The following NELL1 variants were observed in gnomAD, a reference collection of about 807,000 sequenced individuals.
NELL1 encodes the protein neural EGFL like 1, also known as protein kinase C-binding protein NELL1.
Under a neutral mutation model 107.4 loss-of-function variants are expected in NELL1, and 76 were observed. The observed-to-expected ratio is 0.71, with a 90% CI of 0.59 to 0.86. The LOEUF is 0.86. NELL1 is among the 40% of genes least tolerant of loss of function. The probability of loss-of-function intolerance (pLI) is 0.00; values close to 1 mark genes in which losing one functional copy is unlikely to be tolerated. For synonymous variants in NELL1, 353 were observed against 341.2 expected, an observed-to-expected ratio of 1.03 and a Z score of -0.38; for missense variants, 1,024 against 1,005.5, an observed-to-expected ratio of 1.02 and a Z score of -0.25.
chr11:20,819,783 A>T (rs10741856), intron 3 of NELL1, among the ~76,000 whole-genome samples: 146,846 of 152,304 alleles, frequency 0.96, 71,009 homozygotes, highest in East Asian at 1. Context: ...CAATATCTTT[A>T]CCCACTTTTT....
chr11:21,402,188 A>G (rs1267378347), intron 15 of NELL1, among the ~76,000 whole-genome samples: 2 of 151,890 alleles, frequency 1.3e-5, no homozygotes, highest in Middle Eastern at 3.4e-3. Flanking sequence ...CCTGGCGTCA[A>G]CCCATTTTAC....
In NELL1 at chr11:20,933,676, A is replaced by G. The variant is rs1215859540; in HGVS notation, c.998-4110A>G. ...GGGATGGCTGGAGTGTGTGCAGGGT[A>G]CAAATACCTAAATAAAGATAGGGAA... On this transcript the variant is annotated intron_variant, in intron 9 of 19. Coordinates refer to ENST00000357134, the MANE Select transcript of NELL1 (RefSeq NM_006157.5). 3.3e-5 allele frequency among the ~76,000 whole-genome samples: 5 copies of G among 152,146 alleles called. No individual in the cohort carries two copies. The East Asian group carries it at 7.7e-4, about 23-fold the overall frequency.
At chr11:21,531,908 G>A (rs913865357) in intron 15 of NELL1, among the ~76,000 whole-genome samples, 2 of 152,000 alleles carry the variant, frequency 1.3e-5, no homozygotes, top group South Asian at 4.2e-4. Context: ...TCTATATTTG[G>A]GTCTGTGATG....
At chr11:21,265,125 C>G (rs188445435) in intron 14 of NELL1, among the ~76,000 whole-genome samples, 6 of 152,054 alleles carry the variant, frequency 3.9e-5, no homozygotes, top group Non-Finnish European at 8.8e-5. Context: ...CACCTGTCAT[C>G]TTTTCAAGAA....
At chr11:21,064,084 C>T (rs1237622961) in intron 12 of NELL1, among the ~76,000 whole-genome samples, 1 of 152,014 alleles carries the variant, frequency 6.6e-6, no homozygotes, top group Non-Finnish European at 1.5e-5. Context: ...GTGCAAAGGG[C>T]TGAAGGCAGG....
intron 3 of NELL1, among the ~76,000 whole-genome samples, chr11:20,804,256 G>A (rs1857336854): frequency 6.6e-6 from 1 of 151,858 alleles, no homozygotes; most frequent in Non-Finnish European, 1.5e-5. Flanking sequence ...CCATTTTTGA[G>A]ATGGAGTCTT....
intron 17 of NELL1, among the ~76,000 whole-genome samples, chr11:21,570,271 C>G (rs1857069487): frequency 6.6e-6 from 1 of 151,780 alleles, no homozygotes; most frequent in South Asian, 2.1e-4. Flanking sequence ...ACTATGTCAT[C>G]TTGGATAAGT....
chr11:20,958,115 AAAAC>A (rs931543795), intron 11 of NELL1, among the ~76,000 whole-genome samples: 1 of 152,172 alleles, frequency 6.6e-6, no homozygotes, highest in African/African-American at 2.4e-5. Context: ...TGAAAAATAC[AAAAC>A]AAACAAACCC....
intron 17 of NELL1, among the ~76,000 whole-genome samples, chr11:21,567,530 TTTC>T (rs1288991442): frequency 1.3e-5 from 2 of 151,892 alleles, no homozygotes; most frequent in African/African-American, 4.8e-5. Context: ...AACACTATGA[TTTC>T]TTGTTATTTG....
intron 13 of NELL1, among the ~76,000 whole-genome samples, chr11:21,127,528 T>C (rs1298356724): frequency 6.6e-6 from 1 of 151,840 alleles, no homozygotes; most frequent in African/African-American, 2.4e-5. Context: ...AGGAAGAGGA[T>C]TGCTTGAGCC....
At chr11:20,707,628 A>G (rs1445269278) in intron 2 of NELL1, among the ~76,000 whole-genome samples, 1 of 152,200 alleles carries the variant, frequency 6.6e-6, no homozygotes. Context: ...AGTTTGCTGG[A>G]GGTCCATTCC....
intron 14 of NELL1, among the ~76,000 whole-genome samples, chr11:21,364,583 A>G (rs1851170934): frequency 6.6e-6 from 1 of 152,146 alleles, no homozygotes; most frequent in African/African-American, 2.4e-5. Flanking sequence ...AGTACAATAG[A>G]GTAGAAAATA....
intron 1 of NELL1, among the ~76,000 whole-genome samples, chr11:20,677,221 A>G (rs969769257): frequency 6.6e-5 from 10 of 152,190 alleles, no homozygotes; most frequent in Admixed American, 4.6e-4. Flanking sequence ...CCCTTCTTCA[A>G]CAGGGACAGG....
At chr11:21,266,695 T>C (rs569268129) in intron 14 of NELL1, among the ~76,000 whole-genome samples, 2 of 152,174 alleles carry the variant, frequency 1.3e-5, no homozygotes, top group African/African-American at 4.8e-5. Context: ...TTCTGTGCTT[T>C]CTCTACAGTC....
chr11:20,800,326 T>C (rs1253566671), intron 3 of NELL1, among the ~76,000 whole-genome samples: 1 of 152,228 alleles, frequency 6.6e-6, no homozygotes, highest in Non-Finnish European at 1.5e-5. Context: ...CATATAGACA[T>C]GTCCTTTTCT....
intron 15 of NELL1, among the ~76,000 whole-genome samples, chr11:21,409,131 C>T (rs528276444): frequency 2.0e-5 from 3 of 152,144 alleles, no homozygotes; most frequent in South Asian, 2.1e-4. Flanking sequence ...AACATGCACA[C>T]GTATGTTTAT....
At chr11:21,415,582 CT>C (rs1412301686) in intron 15 of NELL1, among the ~76,000 whole-genome samples, 7 of 152,052 alleles carry the variant, frequency 4.6e-5, no homozygotes, top group Admixed American at 2.6e-4. Flanking sequence ...CATTTCCCCC[CT>C]ATTTTTTCTA....
intron 2 of NELL1, among the ~76,000 whole-genome samples, chr11:20,724,517 G>A (rs1855465725): frequency 6.6e-6 from 1 of 152,132 alleles, no homozygotes; most frequent in Admixed American, 6.6e-5. Context: ...TAGGGCAGGG[G>A]AAAATGCCAC....
chr11:21,529,535 T>A (rs1820097957), intron 15 of NELL1, among the ~76,000 whole-genome samples: 1 of 149,804 alleles, frequency 6.7e-6, no homozygotes, highest in African/African-American at 2.5e-5. Context: ...TTTACTTCCT[T>A]AAACTTATGT....
Sources: gnomAD v4.1 joint callset for allele counts (sites outside exome capture counted in the v4.1 genomes callset) on GRCh38, gnomAD v4.1.1 for gene constraint, MANE v1.5 for transcripts, NCBI Gene and HGNC (gene_info 2026-07-23, HGNC 2026-07-21) for gene names.